NLRP11: variants seen among roughly 807,000 people sequenced by gnomAD.
NLRP11 encodes NACHT, LRR and PYD domains-containing protein 11.
Under a neutral mutation model 79.3 loss-of-function variants are expected in NLRP11, and 53 were observed. The observed-to-expected ratio is 0.67, with a 90% CI of 0.54 to 0.84. The LOEUF is 0.84. Among genes scored for constraint, NLRP11 ranks in the 40% least tolerant of loss-of-function variants. The probability of loss-of-function intolerance (pLI) is 0.00; values close to 1 mark genes in which losing one functional copy is unlikely to be tolerated. For missense variants in NLRP11, 1,264 were observed against 1,255.0 expected (o/e 1.01, Z -0.11); for synonymous variants, 518 against 462.6 (o/e 1.12, Z -1.54).
intron 4 of NLRP11, among the ~76,000 whole-genome samples, chr19:55,806,437 A>G (rs299167): frequency 0.68 from 103,137 of 152,000 alleles, 35,211 homozygotes; most frequent in African/African-American, 0.73. Flanking sequence ...AGATCTTGGG[A>G]CAATTCTCTC....
At chr19:55,785,546 AGG>A in exon 10 of NLRP11, 2 of 1,333,858 alleles carry the variant, frequency 1.5e-6, no homozygotes, top group Non-Finnish European at 2.1e-6. Flanking sequence ...CACATCAAAT[AGG>A]AAAATTATAG....
chr19:55,788,557 G>T (rs1381092039), intron 9 of NLRP11, among the ~76,000 whole-genome samples: 6 of 151,378 alleles, frequency 4.0e-5, no homozygotes, highest in Non-Finnish European at 8.8e-5. Flanking sequence ...TGGCCAACAT[G>T]GTGAAACCCC....
intron 5 of NLRP11, among the ~76,000 whole-genome samples, chr19:55,799,610 T>C (rs557436792): frequency 6.6e-6 from 1 of 152,040 alleles, no homozygotes; most frequent in South Asian, 2.1e-4. Context: ...GCAACAGAGT[T>C]GGGATTTAGC....
chr19:55,793,123 G>A (rs565210206), intron 6 of NLRP11, among the ~76,000 whole-genome samples: 6 of 152,230 alleles, frequency 3.9e-5, no homozygotes, highest in Admixed American at 1.3e-4. Context: ...CAAGTGATCC[G>A]CCTGCCTTGG....
chr19:55,820,920 C>T (rs1368789326), intron 1 of NLRP11, among the ~76,000 whole-genome samples: 2 of 152,140 alleles, frequency 1.3e-5, no homozygotes, highest in Admixed American at 1.3e-4. Flanking sequence ...AAACTGCCAT[C>T]TTTAGGATCT....
At chr19:55,799,053 G>T (rs370355625) in intron 5 of NLRP11, among the ~76,000 whole-genome samples, 1 of 152,092 alleles carries the variant, frequency 6.6e-6, no homozygotes, top group South Asian at 2.1e-4. Flanking sequence ...GATCACGTGA[G>T]GTCAGGAGTT....
At chr19:55,804,112 G>A (rs1444726669) in intron 4 of NLRP11, among the ~76,000 whole-genome samples, 3 of 152,080 alleles carry the variant, frequency 2.0e-5, no homozygotes, top group African/African-American at 7.2e-5. Context: ...ATATATATGT[G>A]TGTGTGTGTA....
intron 5 of NLRP11, among the ~76,000 whole-genome samples, chr19:55,800,051 C>T (rs911541853): frequency 2.6e-5 from 4 of 151,958 alleles, no homozygotes; most frequent in Non-Finnish European, 4.4e-5. Context: ...GGCTGAAGGA[C>T]GCAGTAGGAT....
At chr19:55,785,537 ACATC>A in exon 10 of NLRP11, 13 of 1,181,062 alleles carry the variant, frequency 1.1e-5, no homozygotes, top group Non-Finnish European at 1.6e-5. Flanking sequence ...ACACACACAC[ACATC>A]AAATAGGAAA....
chr19:55,796,587 C>G (rs1978900510), intron 5 of NLRP11, among the ~76,000 whole-genome samples: 1 of 152,186 alleles, frequency 6.6e-6, no homozygotes, highest in South Asian at 2.1e-4. Context: ...ATTTATAAAT[C>G]TGATCAAGAC....
chr19:55,798,956 C>T (rs1217293994), intron 5 of NLRP11, among the ~76,000 whole-genome samples: 2 of 152,064 alleles, frequency 1.3e-5, no homozygotes, highest in East Asian at 3.9e-4. Context: ...TAACAACAGA[C>T]CTAGAAAATT....
chr19:55,789,427 C>T (rs1435676590), intron 7 of NLRP11, 28 bp from the exon 8 acceptor site: 2 of 1,587,980 alleles, frequency 1.3e-6, no homozygotes, highest in Non-Finnish European at 1.7e-6. Flanking sequence ...GAGCTAGAGT[C>T]ATGACCACCT....
chr19:55,796,301 C>T, intron 5 of NLRP11, 51 bp from the exon 6 acceptor site: 4 of 1,431,588 alleles, frequency 2.8e-6, no homozygotes, highest in South Asian at 1.3e-5. Flanking sequence ...TAAGCTATCC[C>T]CTCTTTTAAA....
chr19:55,831,099 C>T (rs8103495), intron 1 of NLRP11, among the ~76,000 whole-genome samples: 1 of 84,492 alleles, frequency 1.2e-5, no homozygotes, highest in Non-Finnish European at 2.4e-5. Flanking sequence ...CCCACCGCCC[C>T]ACCCCCCCCA....
chr19:55,799,368 C>T (rs532983996), intron 5 of NLRP11, among the ~76,000 whole-genome samples: 5 of 152,168 alleles, frequency 3.3e-5, no homozygotes, highest in Middle Eastern at 6.8e-3. Flanking sequence ...CACATAGAGG[C>T]TACTTAATGC....
chr19:55,803,987 C>A (rs2122785139), intron 4 of NLRP11, among the ~76,000 whole-genome samples: 1 of 152,280 alleles, frequency 6.6e-6, no homozygotes, highest in South Asian at 2.1e-4. Context: ...GAGGCTGAGG[C>A]AGAACAATCA....
chr19:55,787,151 G>A (rs1403916669), intron 9 of NLRP11, among the ~76,000 whole-genome samples: 1 of 152,176 alleles, frequency 6.6e-6, no homozygotes, highest in Non-Finnish European at 1.5e-5. Flanking sequence ...TGAATGCTCA[G>A]TAACCTGAAT....
intron 1 of NLRP11, among the ~76,000 whole-genome samples, chr19:55,820,503 C>G (rs373043677): frequency 6.6e-6 from 1 of 152,028 alleles, no homozygotes; most frequent in South Asian, 2.1e-4. Flanking sequence ...TGCTCAGTAT[C>G]GGGTCTGAGG....
chr19:55,815,047 G>A (rs1980957864), intron 2 of NLRP11, among the ~76,000 whole-genome samples: 1 of 152,058 alleles, frequency 6.6e-6, no homozygotes, highest in South Asian at 2.1e-4. Context: ...AGGTATGGAA[G>A]GAAAAGGTCT....
Sources: gnomAD v4.1 joint callset for allele counts (sites outside exome capture counted in the v4.1 genomes callset) on GRCh38, gnomAD v4.1.1 for gene constraint, MANE v1.5 for transcripts, NCBI Gene and HGNC (gene_info 2026-07-23, HGNC 2026-07-21) for gene names.